The following ADAM22 variants were observed in gnomAD, a reference collection of about 807,000 sequenced individuals.
The protein encoded by ADAM22 is disintegrin and metalloproteinase domain-containing protein 22.
ADAM22 carries 65 observed loss-of-function variants against 144.6 expected under a neutral mutation model. The ratio of observed to expected loss-of-function variants is 0.45; its 90% CI spans 0.37 to 0.55. The LOEUF is 0.55. Ranked by LOEUF, ADAM22 falls within the 20% of genes least tolerant of loss-of-function variation. The pLI is 0.00. For missense variants in ADAM22, 974 were observed against 1,184.9 expected, an observed-to-expected ratio of 0.82 and a Z score of 2.61; for synonymous variants, 391 against 412.6, an observed-to-expected ratio of 0.95 and a Z score of 0.63.
intron 3 of ADAM22, among the ~76,000 whole-genome samples, chr7:88,053,593 AAAG>A (rs1395782502): frequency 1.1e-4 from 3 of 28,158 alleles, no homozygotes; most frequent in African/African-American, 2.9e-4. Flanking sequence ...GGAAGGAAGG[AAAG>A]AAAGAAAGAA....
intron 3 of ADAM22, among the ~76,000 whole-genome samples, chr7:88,041,109 A>G (rs528355618): frequency 2.0e-5 from 3 of 152,130 alleles, no homozygotes; most frequent in South Asian, 4.1e-4. Flanking sequence ...TCATTAACAC[A>G]AAGTCAGCTG....
chr7:87,999,837 G>C (rs1792110837), intron 3 of ADAM22, among the ~76,000 whole-genome samples: 1 of 152,034 alleles, frequency 6.6e-6, no homozygotes, highest in African/African-American at 2.4e-5. Flanking sequence ...CCAGCTTGGT[G>C]CAGTGGCACA....
chr7:88,063,511 C>T (rs956744143), intron 3 of ADAM22, among the ~76,000 whole-genome samples: 7 of 151,880 alleles, frequency 4.6e-5, no homozygotes, highest in African/African-American at 1.2e-4. Context: ...TGGTAGGAGT[C>T]CCAGAAAGAC....
chr7:88,089,271 A>T (rs1247846151), intron 4 of ADAM22, among the ~76,000 whole-genome samples: 1 of 152,158 alleles, frequency 6.6e-6, no homozygotes, highest in Admixed American at 6.6e-5. Context: ...TATATATAAA[A>T]AAAGAAAAAA....
intron 3 of ADAM22, among the ~76,000 whole-genome samples, chr7:87,991,893 C>T (rs1789985488): frequency 6.6e-6 from 1 of 152,202 alleles, no homozygotes; most frequent in Non-Finnish European, 1.5e-5. Context: ...TAAGTTCTTA[C>T]TCTTCCCAAG....
intron 4 of ADAM22, among the ~76,000 whole-genome samples, chr7:88,103,302 G>A (rs923005451): frequency 5.3e-5 from 8 of 151,920 alleles, no homozygotes; most frequent in African/African-American, 1.7e-4. Context: ...AACTTCCTTT[G>A]TGTTATCATC....
chr7:88,181,625 ATCTG>A lies in ADAM22; in HGVS notation c.2596+27_2596+30del. ...GGCAAGGTAGAGGCTGGCATTCTGA[ATCTG>A]TCTGTCCACATAATCAAGTTCTATA... On this transcript the variant is annotated intron_variant, in intron 28 of 31. Coordinates refer to ENST00000413139, the MANE Select transcript of ADAM22 (RefSeq NM_001324418.2). 1 of 1,597,104 alleles carries A rather than the reference ATCTG, an allele frequency of 6.3e-7. No homozygotes were observed. Among genetic ancestry groups the A allele is most frequent in the Non-Finnish European group, 8.6e-7 (1 of 1,165,246 alleles).
At chr7:88,106,157 C>G in intron 4 of ADAM22, among the ~76,000 whole-genome samples, 1 of 152,164 alleles carries the variant, frequency 6.6e-6, no homozygotes, top group East Asian at 1.9e-4. Flanking sequence ...TTTCAGCCCC[C>G]AAGACTCTGT....
chr7:88,144,327 G>T (rs905798324), intron 15 of ADAM22, among the ~76,000 whole-genome samples: 1 of 152,010 alleles, frequency 6.6e-6, no homozygotes, highest in African/African-American at 2.4e-5. Flanking sequence ...TACTAATTTT[G>T]CCTGTCACCA....
chr7:88,012,034 T>G (rs1048498636), intron 3 of ADAM22, among the ~76,000 whole-genome samples: 2 of 97,554 alleles, frequency 2.1e-5, no homozygotes, highest in Non-Finnish European at 4.1e-5. Context: ...TTCTGTTTTT[T>G]TTTCTTTTTT....
At chr7:88,012,001 A>G (rs1313758969) in intron 3 of ADAM22, among the ~76,000 whole-genome samples, 1 of 149,706 alleles carries the variant, frequency 6.7e-6, no homozygotes, top group Non-Finnish European at 1.5e-5. Context: ...AGATTGTCCC[A>G]TAGTTCTTAG....
chr7:88,156,666 A>G (rs530150056), intron 22 of ADAM22, among the ~76,000 whole-genome samples: 9 of 152,128 alleles, frequency 5.9e-5, no homozygotes, highest in Non-Finnish European at 1.3e-4. Flanking sequence ...AAAAGCAGTT[A>G]GATACTCAGA....
intron 23 of ADAM22, among the ~76,000 whole-genome samples, chr7:88,164,334 C>T (rs1842461776): frequency 6.6e-6 from 1 of 151,880 alleles, no homozygotes; most frequent in Non-Finnish European, 1.5e-5. Context: ...AAAGAATAAT[C>T]AATGCAAATA....
intron 4 of ADAM22, among the ~76,000 whole-genome samples, chr7:88,104,016 T>C (rs1321210089): frequency 6.6e-6 from 1 of 152,182 alleles, no homozygotes; most frequent in East Asian, 1.9e-4. Flanking sequence ...GGTCCATGTC[T>C]AGTACTCTAT....
chr7:87,966,721 GTTTTTTTTTTT>G (rs71120012), intron 2 of ADAM22, among the ~76,000 whole-genome samples: 13 of 39,888 alleles, frequency 3.3e-4, no homozygotes, highest in South Asian at 1.7e-3. Flanking sequence ...AAGGAAAGCC[GTTTTTTTTTTT>G]TTTTTTTTTT....
At chr7:88,060,570 A>G (rs1240592135) in intron 3 of ADAM22, among the ~76,000 whole-genome samples, 1 of 151,538 alleles carries the variant, frequency 6.6e-6, no homozygotes, top group Non-Finnish European at 1.5e-5. Flanking sequence ...GGAGATCGAA[A>G]CCATCCTGGC....
At chr7:88,017,080 C>G (rs750315153) in intron 3 of ADAM22, among the ~76,000 whole-genome samples, 44 of 152,156 alleles carry the variant, frequency 2.9e-4, no homozygotes, top group Admixed American at 2.6e-4. Context: ...GAGCGCACCA[C>G]TGTACTCCAG....
chr7:88,007,627 T>C (rs1794264730), intron 3 of ADAM22, among the ~76,000 whole-genome samples: 1 of 152,090 alleles, frequency 6.6e-6, no homozygotes, highest in African/African-American at 2.4e-5. Flanking sequence ...TTGACAAACC[T>C]GAGAAAAACC....
intron 20 of ADAM22, among the ~76,000 whole-genome samples, chr7:88,152,276 C>G (rs934708929): frequency 6.6e-6 from 1 of 151,998 alleles, no homozygotes; most frequent in African/African-American, 2.4e-5. Context: ...AAAAATATAC[C>G]AACAATTATC....
Sources: gnomAD v4.1 joint callset for allele counts (sites outside exome capture counted in the v4.1 genomes callset) on GRCh38, gnomAD v4.1.1 for gene constraint, MANE v1.5 for transcripts, NCBI Gene and HGNC (gene_info 2026-07-23, HGNC 2026-07-21) for gene names.